The following GRM1 variants were observed in gnomAD, a reference collection of about 807,000 sequenced individuals.
GRM1 encodes metabotropic glutamate receptor 1.
A neutral mutation model predicts 90.9 loss-of-function variants in GRM1; 33 were observed. That is an observed-to-expected ratio of 0.36 (90% CI 0.28 to 0.49). The LOEUF (loss-of-function observed/expected upper bound fraction) is 0.49. Among genes scored for constraint, GRM1 ranks in the 20% least tolerant of loss-of-function variants. GRM1 has a pLI of 0.99. For missense variants in GRM1, 1,190 were observed against 1,534.3 expected (o/e 0.78, Z 3.75); for synonymous variants, 700 against 613.2 (o/e 1.14, Z -2.09).
At chr6:146,149,622 G>T (rs1300499406) in intron 1 of GRM1, among the ~76,000 whole-genome samples, 1 of 152,136 alleles carries the variant, frequency 6.6e-6, no homozygotes, top group Non-Finnish European at 1.5e-5. Context: ...TCTTTACTGA[G>T]GATGCAGGAT....
At chr6:146,059,118 C>CA (rs1170377173) in intron 1 of GRM1, among the ~76,000 whole-genome samples, 2 of 152,110 alleles carry the variant, frequency 1.3e-5, no homozygotes, top group Non-Finnish European at 1.5e-5. Context: ...GAATCACTTT[C>CA]ATACGGTTTT....
At chr6:146,362,988 T>C (rs935259738) in intron 5 of GRM1, among the ~76,000 whole-genome samples, 33 of 152,132 alleles carry the variant, frequency 2.2e-4, no homozygotes, top group Non-Finnish European at 3.2e-4. Flanking sequence ...TTGGCTGGAA[T>C]TGGAACGTTA....
intron 2 of GRM1, among the ~76,000 whole-genome samples, chr6:146,186,803 G>T (rs896031685): frequency 1.3e-5 from 2 of 152,122 alleles, no homozygotes; most frequent in Admixed American, 6.5e-5. Context: ...ACCCACAAAG[G>T]TTTATTTGCT....
chr6:146,074,650 A>C lies in GRM1; in HGVS notation c.700+44433A>C, dbSNP rs376706799. On this transcript the variant is annotated intron_variant, in intron 1 of 7. Coordinates refer to ENST00000282753, the MANE Select transcript of GRM1 (RefSeq NM_001278064.2). Reference sequence around the variant, plus strand: ...AAATTGTTGTTTGCTTATAGAAGTTAGTCTCAAATGAATATTGCCCAACAA... The same window carrying C: ...AAATTGTTGTTTGCTTATAGAAGTTCGTCTCAAATGAATATTGCCCAACAA... 1.8e-4 allele frequency among the ~76,000 whole-genome samples: 28 copies of C among 152,302 alleles called. No individual in the cohort carries two copies. The East Asian group carries it at 4.8e-3, about 26-fold the overall frequency.
At chr6:146,069,670 G>T (rs1247755964) in intron 1 of GRM1, among the ~76,000 whole-genome samples, 2 of 151,998 alleles carry the variant, frequency 1.3e-5, no homozygotes, top group Non-Finnish European at 2.9e-5. Context: ...TTTAAAATAT[G>T]CCACAACATT....
intron 1 of GRM1, among the ~76,000 whole-genome samples, chr6:146,140,914 C>T (rs1562488752): frequency 6.6e-6 from 1 of 152,152 alleles, no homozygotes; most frequent in Non-Finnish European, 1.5e-5. Flanking sequence ...TTACACACCA[C>T]CATTACAGTG....
intron 2 of GRM1, among the ~76,000 whole-genome samples, chr6:146,241,278 T>C (rs900155041): frequency 2.0e-5 from 3 of 152,112 alleles, no homozygotes; most frequent in African/African-American, 2.4e-5. Context: ...ATGAGACATG[T>C]ATAAGATACC....
intron 2 of GRM1, among the ~76,000 whole-genome samples, chr6:146,186,493 C>T (rs1382371485): frequency 6.6e-6 from 1 of 152,106 alleles, no homozygotes; most frequent in Non-Finnish European, 1.5e-5. Context: ...CAAATGCAGC[C>T]AATAGCTACC....
chr6:146,184,267 C>T (rs1253506204), intron 2 of GRM1, among the ~76,000 whole-genome samples: 1 of 152,116 alleles, frequency 6.6e-6, no homozygotes, highest in East Asian at 1.9e-4. Context: ...ATATAAAGGT[C>T]ATTTCACTTA....
intron 2 of GRM1, among the ~76,000 whole-genome samples, chr6:146,264,802 T>C (rs1781820829): frequency 6.6e-6 from 1 of 152,178 alleles, no homozygotes. Context: ...ATTTACTGTT[T>C]CTTCGTTATT....
chr6:146,163,549 A>T (rs1390702656), intron 2 of GRM1, among the ~76,000 whole-genome samples: 3 of 152,146 alleles, frequency 2.0e-5, no homozygotes, highest in Non-Finnish European at 4.4e-5. Flanking sequence ...CAGTGCTGGG[A>T]TTTGAAGTTA....
At chr6:146,283,878 G>A (rs982439737) in intron 2 of GRM1, among the ~76,000 whole-genome samples, 1 of 152,142 alleles carries the variant, frequency 6.6e-6, no homozygotes, top group Non-Finnish European at 1.5e-5. Flanking sequence ...TACTACTCAT[G>A]TATAACTCAC....
In GRM1 at chr6:146,159,466, C is replaced by T. The variant is rs200598105; in HGVS notation, c.819C>T (p.Leu273=). 6.2e-7 allele frequency: 1 copy of T among 1,614,224 alleles called. No individual in the cohort carries two copies. Among genetic ancestry groups the T allele is most frequent in the East Asian group, 2.2e-5 (1 of 44,872 alleles). The part of the protein sequence containing the change: ...SNAGEKSFDR[L]LRKLRERLPK... Reference sequence around the variant, plus strand: ...CTGGGGAGAAGAGCTTTGACCGACTCTTGCGCAAACTCCGAGAGAGGCTTC... The same window carrying T: ...CTGGGGAGAAGAGCTTTGACCGACTTTTGCGCAAACTCCGAGAGAGGCTTC... Residue 273 remains leucine, a synonymous_variant, in exon 2 of 8, where the codon CTC becomes CTT. Transcript: ENST00000282753.
At chr6:146,250,119 C>T (rs538124345) in intron 2 of GRM1, among the ~76,000 whole-genome samples, 3 of 152,140 alleles carry the variant, frequency 2.0e-5, no homozygotes, top group East Asian at 1.9e-4. Flanking sequence ...ATTTTATAGG[C>T]GCATAGGTGG....
intron 6 of GRM1, among the ~76,000 whole-genome samples, chr6:146,388,772 C>T (rs1776601613): frequency 6.6e-6 from 1 of 152,078 alleles, no homozygotes; most frequent in Non-Finnish European, 1.5e-5. Flanking sequence ...CTCTGTCCCA[C>T]CCATTGAGAA....
At chr6:146,189,361 CCTG>C (rs1778853421) in intron 2 of GRM1, among the ~76,000 whole-genome samples, 1 of 152,206 alleles carries the variant, frequency 6.6e-6, no homozygotes, top group African/African-American at 2.4e-5. Flanking sequence ...ACTATGACAT[CCTG>C]CTGCTTTTTC....
intron 1 of GRM1, among the ~76,000 whole-genome samples, chr6:146,042,982 T>C (rs1791171970): frequency 6.6e-6 from 1 of 151,982 alleles, no homozygotes; most frequent in South Asian, 2.1e-4. Flanking sequence ...GGGAGATCAT[T>C]ACCAACCTCT....
intron 1 of GRM1, among the ~76,000 whole-genome samples, chr6:146,150,913 T>C (rs1777299572): frequency 7.0e-6 from 1 of 143,376 alleles, no homozygotes; most frequent in Admixed American, 7.4e-5. Context: ...AATATTCCTG[T>C]ATAAACACAC....
intron 3 of GRM1, among the ~76,000 whole-genome samples, chr6:146,349,135 C>T (rs1390287035): frequency 2.0e-5 from 3 of 150,314 alleles, no homozygotes; most frequent in Non-Finnish European, 3.0e-5. Context: ...GGCGCGATCT[C>T]GGCTCACTAC....
Sources: allele counts gnomAD v4.1 joint callset (sites outside exome capture counted in the v4.1 genomes callset), GRCh38; gene constraint gnomAD v4.1.1; transcripts MANE v1.5; gene names NCBI Gene and HGNC (gene_info 2026-07-23, HGNC 2026-07-21).